The following DRD2 variants were observed in gnomAD, a reference collection of about 807,000 sequenced individuals.
DRD2 encodes D(2) dopamine receptor.
In DRD2, 8 loss-of-function variants were observed where a neutral mutation model predicts 38.0. That is an observed-to-expected ratio of 0.21 (90% confidence interval 0.12 to 0.38). The LOEUF (loss-of-function observed/expected upper bound fraction) is 0.38, where lower values mean the gene tolerates loss of function less well. Ranked by LOEUF, DRD2 falls within the 10% of genes least tolerant of loss-of-function variation. DRD2 has a pLI of 1.00. For synonymous variants in DRD2, 230 were observed against 238.6 expected, an observed-to-expected ratio of 0.96 and a Z score of 0.33; for missense variants, 403 against 607.7, an observed-to-expected ratio of 0.66 and a Z score of 3.54.
chr11:113,412,997 G>T (rs1950785147), intron 6 of DRD2, 114 bp from the exon 7 acceptor site: 3 of 1,217,318 alleles, frequency 2.5e-6, no homozygotes, highest in Non-Finnish European at 2.3e-6. Context: ...ACACCACAGG[G>T]TCACCCTGCC....
chr11:113,422,541 G>A (rs534291160), intron 2 of DRD2, among the ~76,000 whole-genome samples: 1 of 152,272 alleles, frequency 6.6e-6, no homozygotes, highest in South Asian at 2.1e-4. Flanking sequence ...AGAGTCTAGG[G>A]GCCCTCATAA....
At chr11:113,459,336 A>G (rs150033675) in intron 1 of DRD2, among the ~76,000 whole-genome samples, 7 of 152,300 alleles carry the variant, frequency 4.6e-5, no homozygotes, top group East Asian at 3.9e-4. Context: ...GTCACCCCCA[A>G]TGCAGCTCTG....
intron 1 of DRD2, among the ~76,000 whole-genome samples, chr11:113,459,718 T>C (rs1370720521): frequency 2.0e-5 from 3 of 152,184 alleles, no homozygotes; most frequent in African/African-American, 7.2e-5. Context: ...CTACCAATAA[T>C]AGTATAGTAC....
chr11:113,441,575 T>C (rs1472343916), intron 1 of DRD2, among the ~76,000 whole-genome samples: 2 of 152,206 alleles, frequency 1.3e-5, no homozygotes, highest in Non-Finnish European at 2.9e-5. Context: ...CATTCTTGCA[T>C]GGCAACAACA....
chr11:113,474,248 A>G (rs1421899140), intron 1 of DRD2: 2 of 152,378 alleles, frequency 1.3e-5, no homozygotes, highest in Non-Finnish European at 2.9e-5. Flanking sequence ...TTCAAGAGGA[A>G]GCACTCAAGG....
chr11:113,417,931 A>T (rs1303050844), intron 3 of DRD2, 96 bp downstream of exon 3: 5 of 967,684 alleles, frequency 5.2e-6, no homozygotes, highest in Non-Finnish European at 8.1e-6. Flanking sequence ...GCTGCACAGC[A>T]TCACAGACAC....
At chr11:113,414,549 A>G in intron 5 of DRD2, 88 bp from the exon 6 acceptor site, 2 of 1,378,846 alleles carry the variant, frequency 1.5e-6, no homozygotes, top group Non-Finnish European at 2.1e-6. Flanking sequence ...CATGGAACTC[A>G]GACTGGGCAG....
chr11:113,414,378 T>C lies in DRD2; in HGVS notation c.807A>G (p.Arg269=). 6.2e-7 allele frequency: 1 copy of C among 1,614,042 alleles called. No homozygotes were observed. The highest frequency in any genetic ancestry group is 1.1e-5 in the South Asian group (1 of 91,072). The change falls in exon 6 of 8, where the codon AGA becomes AGG. Residue 269 remains arginine (R), a synonymous_variant. Coordinates refer to ENST00000362072, the MANE Select transcript of DRD2 (RefSeq NM_000795.4). ...GGTCCCTGGCCTGAGCACTTACCAC[T>C]CTCCGCCTGTTCACTGGGAAACTCC... ...SNGSFPVNRR[R]VEAARRAQEL...
intron 1 of DRD2, among the ~76,000 whole-genome samples, chr11:113,448,277 G>C (rs928446340): frequency 6.6e-5 from 10 of 152,130 alleles, no homozygotes; most frequent in Admixed American, 3.9e-4. Flanking sequence ...TGGGTAAGGG[G>C]GTCTGACTTC....
chr11:113,413,477 G>A, intron 6 of DRD2: 4 of 425,894 alleles, frequency 9.4e-6, no homozygotes, highest in South Asian at 6.5e-5. Flanking sequence ...GGCCTCCTGG[G>A]TTCTTCCATA....
At chr11:113,461,981 C>T (rs1203499892) in intron 1 of DRD2, among the ~76,000 whole-genome samples, 1 of 152,162 alleles carries the variant, frequency 6.6e-6, no homozygotes, top group Non-Finnish European at 1.5e-5. Context: ...AAGGGACCCC[C>T]TTCCTTCCCC....
chr11:113,430,869 C>A (rs1950979690), intron 1 of DRD2, among the ~76,000 whole-genome samples: 1 of 152,164 alleles, frequency 6.6e-6, no homozygotes, highest in Non-Finnish European at 1.5e-5. Flanking sequence ...CCATGATGGT[C>A]CCAATTTCTT....
intron 1 of DRD2, among the ~76,000 whole-genome samples, chr11:113,430,584 C>T (rs997108587): frequency 1.3e-5 from 2 of 152,246 alleles, no homozygotes; most frequent in African/African-American, 4.8e-5. Context: ...TTCCCTGCTG[C>T]AGCTCCAGCC....
chr11:113,455,192 T>A (rs1358175943), intron 1 of DRD2, among the ~76,000 whole-genome samples: 1 of 151,634 alleles, frequency 6.6e-6, no homozygotes, highest in African/African-American at 2.4e-5. Flanking sequence ...ACTAAAAAAA[T>A]TAAATAAAAT....
In DRD2 at chr11:113,410,356, A is replaced by G; in HGVS notation, c.*371T>C. ...TCCACGCCAAGCCCCACAAAGAGAA[A>G]ACTCAGCCTCTGGGCCCTGACTCAG... is the stretch of plus-strand genomic sequence containing the variant. On this transcript the variant is annotated 3_prime_UTR_variant, in exon 8 of 8. Coordinates refer to ENST00000362072, the MANE Select transcript of DRD2 (RefSeq NM_000795.4). 2.3e-6 allele frequency: 1 copy of G among 435,120 alleles called. No individual in the cohort carries two copies. Among genetic ancestry groups the G allele is most frequent in the South Asian group, 2.5e-5 (1 of 39,976 alleles). The allele number at this position is 435,120 out of a possible 1,614,324, so 27.0% of individuals were successfully genotyped here. A position where few individuals can be genotyped will look rare whatever the true frequency, so the allele number is the denominator to read the frequency against.
chr11:113,423,260 T>G (rs551327108), intron 2 of DRD2, among the ~76,000 whole-genome samples: 1 of 148,562 alleles, frequency 6.7e-6, no homozygotes, highest in Non-Finnish European at 1.5e-5. Flanking sequence ...TTTCCTATTT[T>G]GTTTTTGTTT....
At chr11:113,459,497 A>G (rs11214611) in intron 1 of DRD2, among the ~76,000 whole-genome samples, 26,043 of 152,180 alleles carry the variant, frequency 0.17, 2,562 homozygotes, top group East Asian at 0.4. Context: ...AACTGAGACT[A>G]GAACCTAAGA....
intron 2 of DRD2, among the ~76,000 whole-genome samples, chr11:113,420,192 C>A (rs1950872221): frequency 6.6e-6 from 1 of 152,198 alleles, no homozygotes. Flanking sequence ...TCCTCCCTGT[C>A]TTCCTCCTCT....
rs778935653 is a variant in DRD2, at chr11:113,418,086, A to C, written c.336T>G (p.Thr112=). Residue 112 remains threonine (T), a synonymous_variant, in exon 3 of 8, where the codon ACT becomes ACG. Transcript: ENST00000362072. ...FSRIHCDIFV[T]LDVMMCTASI... The stretch of plus-strand genomic sequence containing the variant: ...TCGCCGTGCACATCATGACGTCCAG[A>C]GTGACGAAGATGTCACAGTGAATCC... 1.9e-6 allele frequency: 3 copies of C among 1,614,198 alleles called. No homozygotes were observed. The highest frequency in any genetic ancestry group is 1.1e-5 in the South Asian group (1 of 91,082).
Sources: allele counts gnomAD v4.1 joint callset (sites outside exome capture counted in the v4.1 genomes callset), GRCh38; gene constraint gnomAD v4.1.1; transcripts MANE v1.5; gene names NCBI Gene and HGNC (gene_info 2026-07-23, HGNC 2026-07-21).